MGST1: variants seen among roughly 807,000 people sequenced by gnomAD.
The protein encoded by MGST1 is microsomal glutathione S-transferase 1.
In MGST1, 5 loss-of-function variants were observed where a neutral mutation model predicts 8.9. That is an observed-to-expected ratio of 0.56 (90% CI 0.29 to 1.19). MGST1 has a LOEUF of 1.19. Among genes scored for constraint, MGST1 ranks in the 50% most tolerant of loss-of-function variants. The pLI is 0.08. For synonymous variants in MGST1, 54 were observed against 67.8 expected, an observed-to-expected ratio of 0.80 and a Z score of 1.00; for missense variants, 182 against 187.4, an observed-to-expected ratio of 0.97 and a Z score of 0.17.
At chr12:16,392,150 GT>G (rs2137053175) in intron 1 of MGST1, among the ~76,000 whole-genome samples, 1 of 152,256 alleles carries the variant, frequency 6.6e-6, no homozygotes, top group East Asian at 1.9e-4. Context: ...CTGTAGCCCT[GT>G]AATATCATTT....
chr12:16,401,715 G>A lies in MGST1; in HGVS notation n.778+18111G>A. 6.2e-7 allele frequency: 1 copy of A among 1,601,898 alleles called. No homozygotes were observed. The highest frequency in any genetic ancestry group is 1.1e-5 in the South Asian group (1 of 90,834). On this transcript the variant is annotated intron_variant and non_coding_transcript_variant, in intron 1 of 1. Transcript: ENST00000359720. This position sits in a 1 kb window ranked among gnomAD's most constrained non-coding sequence, Gnocchi z 4.3. ...AGGGTAACACATTTCCACAGTAGAA[G>A]GGTCTGCCCCAGCAAGGTATTTTTT...
chr12:16,347,255 G>A (rs1939245057), upstream of MGST1: 1 of 152,224 alleles, frequency 6.6e-6, no homozygotes, highest in Admixed American at 6.5e-5. This position sits in a 1 kb window ranked among gnomAD's most constrained non-coding sequence, Gnocchi z 4.0. Context: ...CACCAGCGCA[G>A]GGGAGGTGAA....
At chr12:16,366,613 A>G (rs574764521), downstream of MGST1, among the ~76,000 whole-genome samples, 1 of 148,386 alleles carries the variant, frequency 6.7e-6, no homozygotes, top group Non-Finnish European at 1.5e-5. The surrounding 1 kb of genome is among the most constrained non-coding windows in gnomAD (Gnocchi z 4.0). Context: ...TTCTATCTGC[A>G]TGCATATCTG....
intron 4 of MGST1, among the ~76,000 whole-genome samples, chr12:16,561,252 C>T (rs1330239232): frequency 3.9e-5 from 6 of 152,024 alleles, no homozygotes; most frequent in African/African-American, 1.4e-4. Context: ...AAAAGAAGTA[C>T]AAAATAAAAT....
At chr12:16,436,398 G>A (rs187735815) in intron 1 of MGST1, among the ~76,000 whole-genome samples, 64 of 151,926 alleles carry the variant, frequency 4.2e-4, no homozygotes, top group African/African-American at 1.5e-3. Flanking sequence ...GGTGAAACAA[G>A]GTGTTCTTGC....
downstream of MGST1, among the ~76,000 whole-genome samples, chr12:16,381,828 GTTCAT>G (rs1294557889): frequency 6.6e-6 from 1 of 152,120 alleles, no homozygotes; most frequent in Non-Finnish European, 1.5e-5. Flanking sequence ...TGGAGGCTTT[GTTCAT>G]TTCTTTTTAT....
chr12:16,427,289 G>C (rs1940899178), intron 1 of MGST1, among the ~76,000 whole-genome samples: 1 of 152,168 alleles, frequency 6.6e-6, no homozygotes, highest in South Asian at 2.1e-4. Context: ...AACAGGGGAT[G>C]AAGGGCAGAG....
intron 4 of MGST1, among the ~76,000 whole-genome samples, chr12:16,481,412 C>G (rs1446932790): frequency 1.3e-5 from 2 of 152,086 alleles, no homozygotes; most frequent in African/African-American, 4.8e-5. Context: ...AAGAATTTCT[C>G]TGTTGGAATT....
chr12:16,407,351 A>T (rs1339260203), intron 1 of MGST1, among the ~76,000 whole-genome samples: 2 of 152,132 alleles, frequency 1.3e-5, no homozygotes, highest in African/African-American at 4.8e-5. Context: ...GCAAATCAAA[A>T]CCCCAATGAG....
intron 1 of MGST1, among the ~76,000 whole-genome samples, chr12:16,395,780 C>CATATATATATAT (rs369986291): frequency 1.1e-3 from 128 of 121,772 alleles, no homozygotes; most frequent in East Asian, 4.9e-3. Flanking sequence ...AGTATTCCAT[C>CATATATATATAT]ATATATATAT....
chr12:16,496,010 T>G (rs1194578843), intron 4 of MGST1, among the ~76,000 whole-genome samples: 1 of 152,104 alleles, frequency 6.6e-6, no homozygotes, highest in Non-Finnish European at 1.5e-5. Flanking sequence ...AATATAACGT[T>G]GCAGGGATAT....
At chr12:16,350,185 C>A (rs1939399493) in intron 1 of MGST1, among the ~76,000 whole-genome samples, 1 of 151,912 alleles carries the variant, frequency 6.6e-6, no homozygotes, top group African/African-American at 2.4e-5. Context: ...CGAGATCCAC[C>A]CGAATGCCAA....
rs950248839 is a variant in MGST1 at position 16,486,663 on chromosome 12, C to T, written n.483-102865C>T. On this transcript the variant is annotated intron_variant and non_coding_transcript_variant, in intron 4 of 4. Coordinates refer to the MGST1 transcript ENST00000538857. ...CCTACAGGCTGGCTTTCCTGGAAAA[C>T]GAGTTGGGCTCATGAAGAATTCTGT... Among the ~76,000 whole-genome samples the T allele has an allele frequency of 3.2e-4, 49 of 152,142 alleles. 1 individual carries two copies. Among genetic ancestry groups the T allele is most frequent in the African/African-American group, 1.1e-3 (46 of 41,428 alleles).
At chr12:16,573,474 A>AACTACT (rs1942889886) in intron 4 of MGST1, 3 of 152,186 alleles carry the variant, frequency 2.0e-5, no homozygotes, top group Non-Finnish European at 2.9e-5. Flanking sequence ...TGTATAAATA[A>AACTACT]AGTACTAACC....
intron 4 of MGST1, among the ~76,000 whole-genome samples, chr12:16,556,262 T>A (rs533528771): frequency 3.3e-5 from 5 of 152,332 alleles, no homozygotes. Flanking sequence ...ATTAACCTGT[T>A]ATATAGAATC....
intron 1 of MGST1, among the ~76,000 whole-genome samples, chr12:16,417,913 T>C (rs192700822): frequency 1.0e-3 from 152 of 152,322 alleles, no homozygotes; most frequent in Non-Finnish European, 6.5e-4. Context: ...AAGGCAAGTA[T>C]TTAAATGTAA....
In MGST1 at chr12:16,389,164, T is replaced by C. The variant is rs1255360248; in HGVS notation, n.778+5560T>C. Reference sequence around the variant, plus strand: ...GCCATAGTGACACCTAGGTGATAGATAATGTGATGGCTTACCCAGCAACCA... The same window carrying C: ...GCCATAGTGACACCTAGGTGATAGACAATGTGATGGCTTACCCAGCAACCA... On this transcript the variant is annotated intron_variant and non_coding_transcript_variant, in intron 1 of 1. Coordinates refer to the MGST1 transcript ENST00000359720. The surrounding 1 kb of genome is among the most constrained non-coding windows in gnomAD (Gnocchi z 4.6). Among the ~76,000 whole-genome samples the C allele has an allele frequency of 1.3e-5, 2 of 152,226 alleles. No homozygotes were observed. The highest frequency in any genetic ancestry group is 2.9e-5 in the Non-Finnish European group (2 of 68,040).
At chr12:16,553,640 C>A (rs1316836825) in intron 4 of MGST1, among the ~76,000 whole-genome samples, 1 of 152,024 alleles carries the variant, frequency 6.6e-6, no homozygotes, top group Non-Finnish European at 1.5e-5. Flanking sequence ...ACATATGACT[C>A]AAACAAAACA....
At chr12:16,556,973 G>A (rs529839983) in intron 4 of MGST1, among the ~76,000 whole-genome samples, 19 of 152,214 alleles carry the variant, frequency 1.2e-4, no homozygotes, top group Middle Eastern at 3.4e-3. Flanking sequence ...ATAGTATTTC[G>A]CAGCAATAAG....
Sources: allele counts gnomAD v4.1 joint callset (sites outside exome capture counted in the v4.1 genomes callset), GRCh38; gene constraint gnomAD v4.1.1; non-coding constraint Gnocchi (gnomAD v3.1); transcripts MANE v1.5; gene names NCBI Gene and HGNC (gene_info 2026-07-23, HGNC 2026-07-21).